TEX29: variants seen among roughly 807,000 people sequenced by gnomAD.
TEX29 encodes testis expressed 29.
In TEX29, 26 loss-of-function variants were observed where a neutral mutation model predicts 18.2. That is an observed-to-expected ratio of 1.43 (90% CI 1.04 to 1.98). The LOEUF is 1.98. Among genes scored for constraint, TEX29 ranks in the 30% most tolerant of loss-of-function variants. TEX29 has a pLI of 0.00. For synonymous variants in TEX29, 83 were observed against 78.5 expected (o/e 1.06, Z -0.31); for missense variants, 177 against 194.2 (o/e 0.91, Z 0.53).
At chr13:111,320,833 G>A (rs779249236) in intron 1 of TEX29, 24 bp from the exon 2 acceptor site, 77 of 1,610,764 alleles carry the variant, frequency 4.8e-5, no homozygotes, top group East Asian at 1.1e-4. Flanking sequence ...GGCCCCGCCC[G>A]TGCTGACCTC....
rs891789733 is a variant in TEX29, at chr13:111,321,009, G to A, written c.58+61G>A. ...GGGGGAGCAGTTGGGGGGGGGCACAGGGAGGAGCTGTTTGAGCCCCTGGCG... is the reference window on the plus strand; with the variant it reads ...GGGGGAGCAGTTGGGGGGGGGCACAAGGAGGAGCTGTTTGAGCCCCTGGCG... On this transcript the variant is annotated intron_variant, in intron 2 of 5. Coordinates refer to ENST00000283547, the MANE Select transcript of TEX29 (RefSeq NM_152324.3). The A allele has an allele frequency of 3.8e-5, 57 of 1,481,082 alleles. 1 individual carries two copies. The South Asian group carries it at 5.7e-4, about 15-fold the overall frequency. The allele number at this position is 1,481,082 out of a possible 1,614,324, so 91.7% of individuals were successfully genotyped here.
rs753700076 is a variant in TEX29, at chr13:111,339,936, G to C, written c.239+4G>C. On this transcript the variant is annotated splice_donor_region_variant and intron_variant, in intron 4 of 5. Coordinates refer to ENST00000283547, the MANE Select transcript of TEX29 (RefSeq NM_152324.3). ...TCGTCATCACCATCATCTACAGGTC[G>C]GTCCCTTTGTTCTTTACTGGGAGGG... 6 of 1,574,204 alleles carry C rather than the reference G, an allele frequency of 3.8e-6. No individual in the cohort carries two copies. The highest frequency in any genetic ancestry group is 1.4e-5 in the African/African-American group (1 of 71,890).
upstream of TEX29, among the ~76,000 whole-genome samples, chr13:111,319,347 C>A (rs779980608): frequency 6.6e-6 from 1 of 152,160 alleles, no homozygotes; most frequent in Non-Finnish European, 1.5e-5. Context: ...AATGACTAAG[C>A]GAAATGTGGC....
chr13:111,317,143 C>T (rs776675646), upstream of TEX29, among the ~76,000 whole-genome samples: 5 of 151,786 alleles, frequency 3.3e-5, no homozygotes, highest in South Asian at 2.1e-4. Flanking sequence ...GTATTTTATT[C>T]GTAAAGAAAG....
chr13:111,335,377 G>A (rs964313354), intron 3 of TEX29, among the ~76,000 whole-genome samples: 5 of 152,146 alleles, frequency 3.3e-5, no homozygotes, highest in Admixed American at 6.5e-5. Context: ...TTCCAGTGTT[G>A]AACGGCCTCT....
At chr13:111,339,276 T>TG (rs2093693738) in intron 3 of TEX29, 1 of 454,892 alleles carries the variant, frequency 2.2e-6, no homozygotes, top group African/African-American at 2.0e-5. Flanking sequence ...ATCCAATAAG[T>TG]GTTTTCCTTG....
chr13:111,333,960 T>C (rs753438991), intron 3 of TEX29, among the ~76,000 whole-genome samples: 1 of 152,222 alleles, frequency 6.6e-6, no homozygotes, highest in African/African-American at 2.4e-5. Flanking sequence ...ATCATATCAA[T>C]AAAATATTTT....
At chr13:111,342,442 C>T (rs1321775784) in intron 4 of TEX29, among the ~76,000 whole-genome samples, 1 of 151,570 alleles carries the variant, frequency 6.6e-6, no homozygotes, top group Non-Finnish European at 1.5e-5. Context: ...CTTGTAATCT[C>T]CCAGCACTTT....
In TEX29 at chr13:111,344,118, G is replaced by A; in HGVS notation, c.451G>A (p.Asp151Asn). The change falls in exon 6 of 6, where the codon GAC (aspartate) becomes AAC (asparagine). Residue 151 changes from aspartate to asparagine, a missense_variant. By Grantham distance (23) the Asp-to-Asn change is conservative (BLOSUM62 1). Transcript: ENST00000283547. ...GTITEAEETE[D>N] ...AATAACAGAAGCCGAAGAAACTGAG[G>A]ACTGACTGAGACGCATGAAGAAGTG... 6.2e-7 allele frequency: 1 copy of A among 1,612,826 alleles called. No individual in the cohort carries two copies.
At chr13:111,332,755 G>A (rs1315988790) in intron 3 of TEX29, among the ~76,000 whole-genome samples, 1 of 152,080 alleles carries the variant, frequency 6.6e-6, no homozygotes, top group Non-Finnish European at 1.5e-5. Flanking sequence ...CTGCTTTGTT[G>A]AGTGTTTTTA....
At chr13:111,326,581 G>GTGCAGCTGCTGTCATCACCTGC (rs2093674031) in intron 2 of TEX29, among the ~76,000 whole-genome samples, 1 of 146,000 alleles carries the variant, frequency 6.8e-6, no homozygotes, top group East Asian at 2.1e-4. Context: ...GCGGGTGTCT[G>GTGCAGCTGCTGTCATCACCTGC]GTCGGGTGGA....
chr13:111,341,773 A>G (rs946615908), intron 4 of TEX29, among the ~76,000 whole-genome samples: 5 of 152,214 alleles, frequency 3.3e-5, no homozygotes, highest in African/African-American at 1.2e-4. Context: ...GAACATCATA[A>G]CCCGTGTTTA....
At chr13:111,327,564 C>G (rs926273380) in intron 2 of TEX29, among the ~76,000 whole-genome samples, 2 of 152,160 alleles carry the variant, frequency 1.3e-5, no homozygotes, top group Non-Finnish European at 2.9e-5. Flanking sequence ...CTCGGTGGCC[C>G]ATGGCCGATC....
intron 3 of TEX29, among the ~76,000 whole-genome samples, chr13:111,332,572 G>C (rs55932813): frequency 6.6e-6 from 1 of 152,004 alleles, no homozygotes; most frequent in South Asian, 2.1e-4. Flanking sequence ...ATGATGAATA[G>C]AACTAGGAAG....
chr13:111,328,308 C>A lies in TEX29; in HGVS notation c.169+15C>A. ...AGCGGTTCCCAGTGAGTAGACGCCC[C>A]GGCCACCCCGTGGCGGAAGCCGAGG... On this transcript the variant is annotated intron_variant, in intron 3 of 5. Transcript: ENST00000283547. 6.3e-7 allele frequency: 1 copy of A among 1,593,016 alleles called. No individual in the cohort carries two copies. Among genetic ancestry groups the A allele is most frequent in the South Asian group, 1.1e-5 (1 of 90,502 alleles).
At chr13:111,316,292 G>GA (rs748532577), upstream of TEX29, 1 of 479,672 alleles carries the variant, frequency 2.1e-6, no homozygotes, top group Non-Finnish European at 4.2e-6. Context: ...GGAAATTAGG[G>GA]ATGACATCCT....
At chr13:111,316,389 C>A, upstream of TEX29, 1 of 427,470 alleles carries the variant, frequency 2.3e-6, no homozygotes, top group Non-Finnish European at 4.8e-6. Flanking sequence ...GCTGTCTGCC[C>A]TGAGGCTGTC....
upstream of TEX29, among the ~76,000 whole-genome samples, chr13:111,319,533 C>G (rs2093660319): frequency 6.6e-6 from 1 of 152,166 alleles, no homozygotes; most frequent in Non-Finnish European, 1.5e-5. Context: ...ACCTGATGCC[C>G]ACAGCACCAG....
intron 3 of TEX29, 73 bp from the exon 4 acceptor site, chr13:111,339,790 G>T: frequency 7.2e-6 from 11 of 1,528,814 alleles, no homozygotes; most frequent in South Asian, 3.4e-5. Context: ...CTCTGGGAGG[G>T]TTGCCTTTTC....
Sources: gnomAD v4.1 joint callset for allele counts (sites outside exome capture counted in the v4.1 genomes callset) on GRCh38, gnomAD v4.1.1 for gene constraint, MANE v1.5 for transcripts, NCBI Gene and HGNC (gene_info 2026-07-23, HGNC 2026-07-21) for gene names.